The following HEATR1 variants were observed in gnomAD, a reference collection of about 807,000 sequenced individuals.
The protein encoded by HEATR1 is HEAT repeat containing 1.
Under a neutral mutation model 248.2 loss-of-function variants are expected in HEATR1, and 77 were observed. The ratio of observed to expected loss-of-function variants is 0.31; its 90% CI spans 0.26 to 0.37. HEATR1 has a LOEUF of 0.37. Among genes scored for constraint, HEATR1 ranks in the 10% least tolerant of loss-of-function variants. The probability of loss-of-function intolerance (pLI) is 1.00; values close to 1 mark genes in which losing one functional copy is unlikely to be tolerated. For synonymous variants in HEATR1, 897 were observed against 923.1 expected (o/e 0.97, Z 0.51); for missense variants, 2,420 against 2,504.9 (o/e 0.97, Z 0.72).
In HEATR1 at chr1:236,572,705, A is replaced by C; in HGVS notation, c.3563+20T>G. ...AGTCAGGGAACAACAGCATGTGCTC[A>C]ATGCATTTGTAGCTCTTACTTCTGC... On this transcript the variant is annotated intron_variant, in intron 25 of 44. Transcript: ENST00000366582. 2 of 1,607,312 alleles carry C rather than the reference A, an allele frequency of 1.2e-6. No homozygotes were observed. The highest frequency in any genetic ancestry group is 8.5e-7 in the Non-Finnish European group (1 of 1,173,798).
intron 20 of HEATR1, among the ~76,000 whole-genome samples, chr1:236,578,991 C>T (rs764401564): frequency 1.3e-4 from 20 of 152,166 alleles, no homozygotes; most frequent in Non-Finnish European, 1.9e-4. Context: ...CAGCAAACTA[C>T]GGTCATTTAT....
At position 236,595,959 on chromosome 1, in the gene HEATR1, G is replaced by T. The variant is rs1664167238; in HGVS notation, c.830C>A (p.Thr277Asn). ...CTGTGATGCCAATGAATTCACAAAGGTATTTTCCATGGTCACTTTCACAGA... is the reference window on the plus strand; with the variant it reads ...CTGTGATGCCAATGAATTCACAAAGTTATTTTCCATGGTCACTTTCACAGA... ...QISVKVTMEN[T>N]FVNSLASQII... The change falls in exon 7 of 45, where the codon ACC (threonine) becomes AAC (asparagine). Residue 277 changes from threonine to asparagine, a missense_variant. Coordinates refer to ENST00000366582, the MANE Select transcript of HEATR1 (RefSeq NM_018072.6). 2 of 1,613,620 alleles carry T rather than the reference G, an allele frequency of 1.2e-6. No individual in the cohort carries two copies. Among genetic ancestry groups the T allele is most frequent in the Non-Finnish European group, 1.7e-6 (2 of 1,179,608 alleles).
chr1:236,551,524 ATGT>A (rs1038902731), intron 44 of HEATR1: 2 of 158,538 alleles, frequency 1.3e-5, no homozygotes, highest in African/African-American at 4.8e-5. Context: ...CAGAGATAAA[ATGT>A]TGTGGTTTTT....
intron 12 of HEATR1, among the ~76,000 whole-genome samples, chr1:236,588,419 T>C (rs1056285034): frequency 1.3e-5 from 2 of 152,242 alleles, no homozygotes; most frequent in Non-Finnish European, 2.9e-5. Flanking sequence ...TGTGTAACTT[T>C]AGTCAAGTCA....
At chr1:236,551,322 A>G (rs1662732339) in intron 44 of HEATR1, 3 of 281,570 alleles carry the variant, frequency 1.1e-5, no homozygotes, top group Non-Finnish European at 2.0e-5. Flanking sequence ...AGCTTAGATA[A>G]GCAATGAATC....
chr1:236,599,472 A>G lies in HEATR1; in HGVS notation c.501+11T>C. The G allele has an allele frequency of 6.2e-7, 1 of 1,608,128 alleles. No homozygotes were observed. Among genetic ancestry groups the G allele is most frequent in the Non-Finnish European group, 8.5e-7 (1 of 1,176,880 alleles). ...TAATGATTACAGACATATGTCATTC[A>G]GCAATTATACCTTAACTGGCAACAA... On this transcript the variant is annotated intron_variant, in intron 4 of 44. Transcript: ENST00000366582.
In HEATR1 at chr1:236,596,695, T is replaced by C. The variant is rs149720420; in HGVS notation, c.744+141A>G. The stretch of plus-strand genomic sequence containing the variant: ...GAGTTTCTAATAAAAAAGTGTCATA[T>C]TTTCAACCTAAAGGCTAAATCTCAG... On this transcript the variant is annotated intron_variant, in intron 6 of 44. Transcript: ENST00000366582. The C allele has an allele frequency of 7.0e-4, 552 of 784,050 alleles. 2 individuals carry two copies. In the African/African-American group the frequency reaches 7.9e-3, roughly 11 times the overall value. 48.6% of individuals were successfully genotyped at this position (784,050 alleles called of 1,614,324 possible).
rs1035235453 is a variant in HEATR1 at position 236,603,460 on chromosome 1, C to A, written c.143-84G>T. Reference sequence around the variant, plus strand: ...CCCTCTTTTACAGTTTTACTTACCCCTAAGAAGTTTCTGAATTCTTTAAGT... The same window carrying A: ...CCCTCTTTTACAGTTTTACTTACCCATAAGAAGTTTCTGAATTCTTTAAGT... On this transcript the variant is annotated intron_variant, in intron 2 of 44. Transcript: ENST00000366582. 1.1e-5 allele frequency: 12 copies of A among 1,061,072 alleles called. No individual in the cohort carries two copies. In the South Asian group the frequency reaches 1.4e-4, roughly 12 times the overall value. 65.7% of individuals were successfully genotyped at this position (1,061,072 alleles called of 1,614,324 possible).
rs1207121248 is a variant in HEATR1, at chr1:236,581,424, A to AT, written c.2563-11_2563-10insA. ...CATCTTCTAGATGCACCTAATTAAA[A>AT]AAAAAAAAAAGCAAACTTTTAATTC... On this transcript the variant is annotated splice_polypyrimidine_tract_variant and intron_variant, in intron 19 of 44. Coordinates refer to ENST00000366582, the MANE Select transcript of HEATR1 (RefSeq NM_018072.6). 6.7e-7 allele frequency: 1 copy of AT among 1,488,578 alleles called. No homozygotes were observed. Among genetic ancestry groups the AT allele is most frequent in the Non-Finnish European group, 8.9e-7 (1 of 1,120,346 alleles). The allele number at this position is 1,488,578 out of a possible 1,614,324, so 92.2% of individuals were successfully genotyped here. A position where few individuals can be genotyped will look rare whatever the true frequency, so the allele number is the denominator to read the frequency against.
At chr1:236,569,185 T>C (rs75935428) in intron 28 of HEATR1, 61 bp from the exon 29 acceptor site, 1 of 1,393,676 alleles carries the variant, frequency 7.2e-7, no homozygotes, top group East Asian at 2.5e-5. Flanking sequence ...AATTTTTTTT[T>C]CAAGAGATAG....
rs1662686023 is a variant in HEATR1, at chr1:236,550,648, TAAAC to T, written c.*250_*253del. Reference sequence around the variant, plus strand: ...AATCAGGAAGAGAATAATAAATGTTTAAACAAACACAGCAGTCTGTATAAAAATA... The same window carrying T: ...AATCAGGAAGAGAATAATAAATGTTTAAACACAGCAGTCTGTATAAAAATA... On this transcript the variant is annotated 3_prime_UTR_variant, in exon 45 of 45. Coordinates refer to ENST00000366582, the MANE Select transcript of HEATR1 (RefSeq NM_018072.6). The T allele has an allele frequency of 2.4e-6, 1 of 409,854 alleles. No homozygotes were observed. Among genetic ancestry groups the T allele is most frequent in the Non-Finnish European group, 4.3e-6 (1 of 231,158 alleles). The allele number at this position is 409,854 out of a possible 1,614,324, so 25.4% of individuals were successfully genotyped here. A position where few individuals can be genotyped will look rare whatever the true frequency, so the allele number is the denominator to read the frequency against.
chr1:236,592,212 G>T (rs1404966987), intron 10 of HEATR1, 102 bp from the exon 11 acceptor site: 8 of 670,036 alleles, frequency 1.2e-5, no homozygotes, highest in Non-Finnish European at 2.0e-5. Context: ...AAAAATTACT[G>T]AGACTGTGAC....
chr1:236,591,051 C>A, intron 11 of HEATR1, 97 bp from the exon 12 acceptor site: 1 of 490,880 alleles, frequency 2.0e-6, no homozygotes, highest in Non-Finnish European at 3.4e-6. Flanking sequence ...AATTGCCCAA[C>A]ATTTTCAGTA....
At chr1:236,600,735 A>G (rs1055630871) in intron 3 of HEATR1, among the ~76,000 whole-genome samples, 2 of 151,938 alleles carry the variant, frequency 1.3e-5, no homozygotes, top group African/African-American at 2.4e-5. Context: ...GGGATTCACC[A>G]TGTTGGTCAG....
chr1:236,585,299 A>C (rs530067886), intron 16 of HEATR1, 83 bp from the exon 17 acceptor site: 3 of 1,135,690 alleles, frequency 2.6e-6, no homozygotes, highest in Non-Finnish European at 3.8e-6. Context: ...TCTAGGTATT[A>C]TGTGTTTTAC....
chr1:236,550,626 C>G lies in HEATR1; in HGVS notation c.*276G>C, dbSNP rs979483389. 5.6e-6 allele frequency: 2 copies of G among 357,546 alleles called. No homozygotes were observed. Among genetic ancestry groups the G allele is most frequent in the South Asian group, 7.0e-5 (1 of 14,252 alleles). 22.1% of individuals were successfully genotyped at this position (357,546 alleles called of 1,614,324 possible). On this transcript the variant is annotated 3_prime_UTR_variant, in exon 45 of 45. Transcript: ENST00000366582. ...CAAGTCTAATATTATTACCATCAATCAGGAAGAGAATAATAAATGTTTAAA... is the reference window on the plus strand; with the variant it reads ...CAAGTCTAATATTATTACCATCAATGAGGAAGAGAATAATAAATGTTTAAA...
intron 20 of HEATR1, among the ~76,000 whole-genome samples, chr1:236,578,557 T>C (rs1663626440): frequency 6.6e-6 from 1 of 152,224 alleles, no homozygotes; most frequent in African/African-American, 2.4e-5. Flanking sequence ...TTATGGGTTT[T>C]GTCCTTCACT....
chr1:236,564,464 A>T, intron 32 of HEATR1, 34 bp downstream of exon 32: 1 of 1,595,198 alleles, frequency 6.3e-7, no homozygotes, highest in Non-Finnish European at 8.6e-7. Context: ...ACAGCAGAAT[A>T]CCTTTTTATA....
At position 236,557,465 on chromosome 1, in the gene HEATR1, T is replaced by C. The variant is rs551591143; in HGVS notation, c.5205-120A>G. On this transcript the variant is annotated intron_variant, in intron 36 of 44. Coordinates refer to ENST00000366582, the MANE Select transcript of HEATR1 (RefSeq NM_018072.6). The stretch of plus-strand genomic sequence containing the variant: ...GCCTATTACATCGCTATCTGCTTCA[T>C]AGCCTAAAAAGCAGTGTCTATACAT... The C allele has an allele frequency of 2.2e-4, 209 of 950,620 alleles. 1 individual carries two copies. The highest frequency in any genetic ancestry group is 3.0e-4 in the Admixed American group (11 of 37,122). 58.9% of individuals were successfully genotyped at this position (950,620 alleles called of 1,614,324 possible).
Sources: gnomAD v4.1 joint callset for allele counts (sites outside exome capture counted in the v4.1 genomes callset) on GRCh38, gnomAD v4.1.1 for gene constraint, MANE v1.5 for transcripts, NCBI Gene and HGNC (gene_info 2026-07-23, HGNC 2026-07-21) for gene names.